LONP2: variants seen among roughly 807,000 people sequenced by gnomAD.
The protein encoded by LONP2 is lon peptidase 2, peroxisomal.
LONP2 carries 60 observed loss-of-function variants against 85.6 expected under a neutral mutation model. The ratio of observed to expected loss-of-function variants is 0.70; its 90% CI spans 0.57 to 0.87. The LOEUF is 0.87. Ranked by LOEUF, LONP2 falls within the 40% of genes least tolerant of loss-of-function variation. The pLI, the probability that LONP2 is intolerant of heterozygous loss-of-function variation, is 0.00. For missense variants in LONP2, 860 were observed against 1,063.5 expected (o/e 0.81, Z 2.66); for synonymous variants, 395 against 389.7 (o/e 1.01, Z -0.16).
chr16:48,333,739 T>C (rs1959545035), intron 11 of LONP2, among the ~76,000 whole-genome samples: 1 of 151,986 alleles, frequency 6.6e-6, no homozygotes, highest in African/African-American at 2.4e-5. Flanking sequence ...CAGACTCCTC[T>C]GAAGAGGGAA....
At chr16:48,321,283 A>G (rs1973258529) in intron 11 of LONP2, among the ~76,000 whole-genome samples, 1 of 152,254 alleles carries the variant, frequency 6.6e-6, no homozygotes, top group African/African-American at 2.4e-5. Context: ...AAAATATTAC[A>G]AAAGGTCTCT....
At chr16:48,307,897 T>G (rs1253262475) in intron 11 of LONP2, among the ~76,000 whole-genome samples, 2 of 152,146 alleles carry the variant, frequency 1.3e-5, no homozygotes, top group African/African-American at 4.8e-5. Flanking sequence ...CTTAGGTAGC[T>G]TATAATCATG....
intron 7 of LONP2, among the ~76,000 whole-genome samples, chr16:48,270,989 T>A (rs77437802): frequency 0.014 from 2,091 of 152,240 alleles, 48 homozygotes; most frequent in African/African-American, 0.047. Flanking sequence ...TTAAATTTTT[T>A]AATTTTAAAT....
At chr16:48,343,942 G>GA (rs749196770) in intron 12 of LONP2, 1 of 152,128 alleles carries the variant, frequency 6.6e-6, no homozygotes, top group Non-Finnish European at 1.5e-5. Context: ...CATATAGTGG[G>GA]AAAAACATTC....
chr16:48,285,359 T>C (rs1972417289), intron 8 of LONP2, among the ~76,000 whole-genome samples: 1 of 152,178 alleles, frequency 6.6e-6, no homozygotes, highest in Non-Finnish European at 1.5e-5. Flanking sequence ...GCTTCTTGGA[T>C]GTGTAGGTAA....
downstream of LONP2, chr16:48,361,476 G>C (rs760411925): frequency 5.3e-6 from 6 of 1,127,042 alleles, no homozygotes; most frequent in Admixed American, 1.8e-5. Flanking sequence ...CATGTGTCTA[G>C]CTTCCACCTA....
chr16:48,271,364 A>G (rs112592642), intron 7 of LONP2, among the ~76,000 whole-genome samples: 7,149 of 152,294 alleles, frequency 0.047, 234 homozygotes, highest in Middle Eastern at 0.14. Context: ...TTGTGAGAAA[A>G]CATACCTATA....
intron 14 of LONP2, among the ~76,000 whole-genome samples, chr16:48,349,132 G>A (rs1960063013): frequency 6.6e-6 from 1 of 151,772 alleles, no homozygotes. Flanking sequence ...AAAATAGTGT[G>A]ATAAAATGTA....
At chr16:48,274,773 T>C (rs1480918360) in intron 7 of LONP2, among the ~76,000 whole-genome samples, 1 of 152,152 alleles carries the variant, frequency 6.6e-6, no homozygotes, top group Non-Finnish European at 1.5e-5. Context: ...TGTTAACATT[T>C]GTTTTGTTCT....
intron 8 of LONP2, among the ~76,000 whole-genome samples, chr16:48,284,483 A>G (rs977726156): frequency 6.6e-6 from 1 of 152,202 alleles, no homozygotes; most frequent in African/African-American, 2.4e-5. Flanking sequence ...AGCAGCCACC[A>G]CCTGATCAGT....
At chr16:48,278,842 T>C (rs1355013766) in intron 8 of LONP2, among the ~76,000 whole-genome samples, 2 of 152,202 alleles carry the variant, frequency 1.3e-5, no homozygotes, top group Non-Finnish European at 2.9e-5. Context: ...TTGATGACTT[T>C]TCCCCTTTAT....
At chr16:48,304,618 C>T (rs1340240321) in intron 11 of LONP2, among the ~76,000 whole-genome samples, 4 of 152,120 alleles carry the variant, frequency 2.6e-5, no homozygotes, top group East Asian at 1.9e-4. Context: ...GCAGGAGAAT[C>T]GCTTGAGCCC....
In LONP2 at chr16:48,327,550, C is replaced by T. The variant is rs747788490; in HGVS notation, c.1796-6666C>T. ...TCGGCTCACTGCAACCTCCACTTCC[C>T]GGGTTCAAGCGATTCTCATGTGTTA... is the stretch of plus-strand genomic sequence containing the variant. On this transcript the variant is annotated intron_variant, in intron 11 of 14. Coordinates refer to ENST00000285737, the MANE Select transcript of LONP2 (RefSeq NM_031490.5). Among the ~76,000 whole-genome samples the T allele has an allele frequency of 8.5e-5, 13 of 152,170 alleles. No homozygotes were observed. In the South Asian group the frequency reaches 1.0e-3, roughly 12 times the overall value.
At chr16:48,274,646 A>G (rs769420349) in intron 7 of LONP2, among the ~76,000 whole-genome samples, 3 of 151,848 alleles carry the variant, frequency 2.0e-5, no homozygotes, top group Non-Finnish European at 4.4e-5. Context: ...TGAGATACAC[A>G]CACACACCCA....
intron 11 of LONP2, among the ~76,000 whole-genome samples, chr16:48,325,098 ACT>A (rs1973342506): frequency 6.6e-6 from 1 of 151,648 alleles, no homozygotes; most frequent in South Asian, 2.1e-4. Flanking sequence ...TCAGGATAAA[ACT>A]CTTCCACCTC....
Position 48,354,088 on chromosome 16 carries a change from TG to T in LONP2, c.*2292del, listed in dbSNP as rs1235616082. 9.8e-5 allele frequency: 2 copies of T among 20,436 alleles called. No individual in the cohort carries two copies. The highest frequency in any genetic ancestry group is 7.0e-4 in the Admixed American group (1 of 1,420). The allele number at this position is 20,436 out of a possible 1,614,324, so 1.3% of individuals were successfully genotyped here. ...CTGGGTTTTTTTTTTTTGGGGGGGG[TG>T]GGGGGTTAGGGGTGGGGCGGGTGGG... On this transcript the variant is annotated 3_prime_UTR_variant, in exon 15 of 15. Transcript: ENST00000285737.
chr16:48,332,791 C>T (rs1421773013), intron 11 of LONP2, among the ~76,000 whole-genome samples: 8 of 151,890 alleles, frequency 5.3e-5, no homozygotes, highest in African/African-American at 1.9e-4. Flanking sequence ...ACCAGTAATC[C>T]CAGCTACTCT....
At chr16:48,302,220 C>T (rs1296426202) in intron 10 of LONP2, among the ~76,000 whole-genome samples, 1 of 152,084 alleles carries the variant, frequency 6.6e-6, no homozygotes, top group African/African-American at 2.4e-5. Context: ...AAGATGCCTC[C>T]CTGTTTTCTC....
chr16:48,272,150 C>A (rs1972118745), intron 7 of LONP2, among the ~76,000 whole-genome samples: 1 of 152,160 alleles, frequency 6.6e-6, no homozygotes, highest in Non-Finnish European at 1.5e-5. Context: ...ACACAGTGAG[C>A]ATTCACTAAA....
Sources: gnomAD v4.1 joint callset for allele counts (sites outside exome capture counted in the v4.1 genomes callset) on GRCh38, gnomAD v4.1.1 for gene constraint, MANE v1.5 for transcripts, NCBI Gene and HGNC (gene_info 2026-07-23, HGNC 2026-07-21) for gene names.